OXSR1: variants seen among roughly 807,000 people sequenced by gnomAD.
The protein encoded by OXSR1 is serine/threonine-protein kinase OSR1.
A neutral mutation model predicts 79.8 loss-of-function variants in OXSR1; 24 were observed. The observed-to-expected ratio is 0.30, with a 90% CI of 0.22 to 0.42. The LOEUF is 0.42. Among genes scored for constraint, OXSR1 ranks in the 10% least tolerant of loss-of-function variants. OXSR1 has a pLI of 1.00. For missense variants in OXSR1, 430 were observed against 618.4 expected (o/e 0.70, Z 3.23); for synonymous variants, 226 against 209.2 (o/e 1.08, Z -0.69).
At chr3:38,205,302 G>A (rs1306390543) in intron 4 of OXSR1, among the ~76,000 whole-genome samples, 1 of 152,194 alleles carries the variant, frequency 6.6e-6, no homozygotes, top group Non-Finnish European at 1.5e-5. Context: ...GTAGGTAGTT[G>A]TTCAGTTTGG....
At chr3:38,247,794 T>G in intron 14 of OXSR1, 62 bp downstream of exon 14, 1 of 1,055,644 alleles carries the variant, frequency 9.5e-7, no homozygotes, top group Non-Finnish European at 1.5e-6. Context: ...TGTGCTGTAA[T>G]AGTCTGTGCC....
intron 1 of OXSR1, among the ~76,000 whole-genome samples, chr3:38,168,762 CATATA>C (rs1450846178): frequency 1.3e-5 from 2 of 152,166 alleles, no homozygotes; most frequent in African/African-American, 4.8e-5. Context: ...TAAATGTAAT[CATATA>C]ATATGTGGTC....
At position 38,223,713 on chromosome 3, in the gene OXSR1, G is replaced by T. The variant is rs9809093; in HGVS notation, c.601-99G>T. 1.9e-3 allele frequency: 1,344 copies of T among 706,030 alleles called. 17 individuals are homozygous for T. In the African/African-American group the frequency reaches 0.022, roughly 12 times the overall value. 43.7% of individuals were successfully genotyped at this position (706,030 alleles called of 1,614,324 possible). The stretch of plus-strand genomic sequence containing the variant: ...GATTCGCCTGCCTCAGCCTCCCAAA[G>T]TGCTGGGATTACAGGTGTGAGCCTC... On this transcript the variant is annotated intron_variant, in intron 6 of 17. Transcript: ENST00000311806.
At chr3:38,233,195 G>A (rs1457512126) in intron 10 of OXSR1, among the ~76,000 whole-genome samples, 2 of 152,180 alleles carry the variant, frequency 1.3e-5, no homozygotes, top group African/African-American at 4.8e-5. Flanking sequence ...TTACTGAAAA[G>A]GGCATTTAAG....
intron 4 of OXSR1, among the ~76,000 whole-genome samples, chr3:38,214,738 G>T (rs530440595): frequency 3.6e-4 from 55 of 152,296 alleles, no homozygotes; most frequent in African/African-American, 1.3e-3. Context: ...AAATACTCAG[G>T]AACATGATTT....
At chr3:38,180,199 G>A (rs918767530) in intron 1 of OXSR1, among the ~76,000 whole-genome samples, 3 of 151,980 alleles carry the variant, frequency 2.0e-5, no homozygotes, top group Admixed American at 6.6e-5. Flanking sequence ...AGCCTCAGCC[G>A]CCTAAAGTGC....
chr3:38,165,581 G>C lies in OXSR1; in HGVS notation c.-296G>C. 1 of 421,770 alleles carries C rather than the reference G, an allele frequency of 2.4e-6. No individual in the cohort carries two copies. Among genetic ancestry groups the C allele is most frequent in the Non-Finnish European group, 4.2e-6 (1 of 236,212 alleles). The allele number at this position is 421,770 out of a possible 1,614,324, so 26.1% of individuals were successfully genotyped here. The stretch of plus-strand genomic sequence containing the variant: ...GGTGGAGGGCGGGACAGAGGGGCTG[G>C]GCCCAGGCAAAGCTTCTGTCGCTGC... On this transcript the variant is annotated 5_prime_UTR_variant, in exon 1 of 18. Coordinates refer to ENST00000311806, the MANE Select transcript of OXSR1 (RefSeq NM_005109.3).
chr3:38,241,308 C>G (rs1268571841), intron 11 of OXSR1, among the ~76,000 whole-genome samples: 1 of 152,032 alleles, frequency 6.6e-6, no homozygotes, highest in Non-Finnish European at 1.5e-5. Context: ...GGACTGTATT[C>G]TCCAAAAATG....
At chr3:38,225,773 T>A (rs1205986926) in intron 8 of OXSR1, among the ~76,000 whole-genome samples, 1 of 152,136 alleles carries the variant, frequency 6.6e-6, no homozygotes, top group Non-Finnish European at 1.5e-5. Context: ...ACTAATCCCA[T>A]GGCTGTTTTC....
chr3:38,249,351 T>G (rs888800317), intron 14 of OXSR1, among the ~76,000 whole-genome samples: 1 of 152,136 alleles, frequency 6.6e-6, no homozygotes, highest in Non-Finnish European at 1.5e-5. Context: ...TGGAGTCATA[T>G]AGTAACTCTG....
chr3:38,178,360 T>C (rs1701712855), intron 1 of OXSR1, among the ~76,000 whole-genome samples: 1 of 152,184 alleles, frequency 6.6e-6, no homozygotes, highest in Non-Finnish European at 1.5e-5. Context: ...TGGTTGTGTT[T>C]ATTGAGAGAT....
intron 9 of OXSR1, 128 bp from the exon 10 acceptor site, chr3:38,230,236 GA>G: frequency 1.5e-6 from 1 of 677,534 alleles, no homozygotes; most frequent in South Asian, 1.6e-5. Flanking sequence ...GTGAAAGAAT[GA>G]AAGTTTTTCT....
At position 38,253,148 on chromosome 3, in the gene OXSR1, G is replaced by T; in HGVS notation, c.*257G>T. 1 of 469,066 alleles carries T rather than the reference G, an allele frequency of 2.1e-6. No homozygotes were observed. Among genetic ancestry groups the T allele is most frequent in the South Asian group, 2.9e-5 (1 of 34,964 alleles). The allele number at this position is 469,066 out of a possible 1,614,324, so 29.1% of individuals were successfully genotyped here. On this transcript the variant is annotated 3_prime_UTR_variant, in exon 18 of 18. Transcript: ENST00000311806. ...ATGTCCCCTGTCTTCCTCCATCTGA[G>T]AAGTGGCCCATGTGCTTCAAGGCCC...
At chr3:38,214,785 A>G (rs967687198) in intron 4 of OXSR1, among the ~76,000 whole-genome samples, 1 of 152,232 alleles carries the variant, frequency 6.6e-6, no homozygotes, top group Non-Finnish European at 1.5e-5. Context: ...AAGGCATTGT[A>G]TACTGTAGTA....
chr3:38,250,122 A>T, intron 15 of OXSR1, 104 bp downstream of exon 15: 1 of 833,386 alleles, frequency 1.2e-6, no homozygotes, highest in Non-Finnish European at 2.0e-6. Context: ...TTTAAAGGAT[A>T]ATAAAAATTT....
In OXSR1 at chr3:38,229,668, C is replaced by T. The variant is rs1224701964; in HGVS notation, c.837-19C>T. ...GAATTAATTATAAAAACTTTTCTTC[C>T]CTCCCTTCCTGGTTTTAGACCAACA... is the stretch of plus-strand genomic sequence containing the variant. On this transcript the variant is annotated intron_variant, in intron 8 of 17. Coordinates refer to ENST00000311806, the MANE Select transcript of OXSR1 (RefSeq NM_005109.3). 8.1e-6 allele frequency: 13 copies of T among 1,601,638 alleles called. No homozygotes were observed. Among genetic ancestry groups the T allele is most frequent in the Non-Finnish European group, 1.1e-5 (13 of 1,172,102 alleles).
intron 5 of OXSR1, among the ~76,000 whole-genome samples, chr3:38,219,709 ATTG>A (rs1218872259): frequency 2.6e-5 from 4 of 152,052 alleles, no homozygotes; most frequent in African/African-American, 9.7e-5. Flanking sequence ...TTACTTTGTT[ATTG>A]TTGTTACAAA....
intron 4 of OXSR1, among the ~76,000 whole-genome samples, chr3:38,207,694 T>C (rs537031482): frequency 6.6e-6 from 1 of 152,242 alleles, no homozygotes; most frequent in South Asian, 2.1e-4. Context: ...CAAGAACACC[T>C]ATGTTAAGGG....
At chr3:38,233,601 T>C (rs1702855872) in intron 10 of OXSR1, among the ~76,000 whole-genome samples, 1 of 152,208 alleles carries the variant, frequency 6.6e-6, no homozygotes, top group African/African-American at 2.4e-5. Context: ...AATAAAATCA[T>C]GACTGTCTTT....
Sources: gnomAD v4.1 joint callset for allele counts (sites outside exome capture counted in the v4.1 genomes callset) on GRCh38, gnomAD v4.1.1 for gene constraint, MANE v1.5 for transcripts, NCBI Gene and HGNC (gene_info 2026-07-23, HGNC 2026-07-21) for gene names.